The following DGCR8 variants were observed in gnomAD, a reference collection of about 807,000 sequenced individuals.
The protein encoded by DGCR8 is DGCR8 microprocessor complex subunit, also known as microprocessor complex subunit DGCR8.
DGCR8 carries 14 observed loss-of-function variants against 78.5 expected under a neutral mutation model. The ratio of observed to expected loss-of-function variants is 0.18; its 90% CI spans 0.12 to 0.28. The LOEUF (loss-of-function observed/expected upper bound fraction) is 0.28, where lower values mean the gene tolerates loss of function less well. Ranked by LOEUF, DGCR8 falls within the 10% of genes least tolerant of loss-of-function variation. The pLI is 1.00. For missense variants in DGCR8, 702 were observed against 1,022.5 expected (o/e 0.69, Z 4.28); for synonymous variants, 399 against 402.4 (o/e 0.99, Z 0.10).
At chr22:20,083,442 G>A (rs186138858) in intron 1 of DGCR8, among the ~76,000 whole-genome samples, 203 of 151,758 alleles carry the variant, frequency 1.3e-3, no homozygotes, top group Non-Finnish European at 2.3e-3. Context: ...CCACCACTGA[G>A]GTCTGGGGCT....
At chr22:20,095,476 G>A (rs933321586) in intron 9 of DGCR8, among the ~76,000 whole-genome samples, 6 of 152,162 alleles carry the variant, frequency 3.9e-5, no homozygotes, top group Admixed American at 6.5e-5. Flanking sequence ...TCACGTGGTC[G>A]AAAATTCACG....
Position 20,090,013 on chromosome 22 carries a change from A to G in DGCR8, c.1061A>G (p.His354Arg). Residue 354 changes from histidine to arginine, a missense_variant, in exon 5 of 14, where the codon CAT becomes CGT. By Grantham distance (29) the His-to-Arg change is conservative. Around this residue, in one of 4 missense-constraint regions of DGCR8, gnomAD observed 119 missense variants for 126.1 expected, o/e 0.94. Coordinates refer to ENST00000351989, the MANE Select transcript of DGCR8 (RefSeq NM_022720.7). ...CCTCTGAGTAGCATCCCTTGTCTGC[A>G]TTATAAGAAAATGAAGGACAACGAG... ...DPPLSSIPCL[H>R]YKKMKDNEER... 1 of 1,613,990 alleles carries G rather than the reference A, an allele frequency of 6.2e-7. No individual in the cohort carries two copies. The highest frequency in any genetic ancestry group is 2.2e-5 in the East Asian group (1 of 44,882).
At chr22:20,109,992 C>T in intron 13 of DGCR8, 33 bp from the exon 14 acceptor site, 1 of 1,609,266 alleles carries the variant, frequency 6.2e-7, no homozygotes, top group Non-Finnish European at 8.5e-7. Context: ...AAGCCCACCT[C>T]ACTGGTACCC....
At chr22:20,109,749 C>T (rs1426911021) in intron 13 of DGCR8, among the ~76,000 whole-genome samples, 1 of 152,226 alleles carries the variant, frequency 6.6e-6, no homozygotes, top group Non-Finnish European at 1.5e-5. Flanking sequence ...GTCCCTGTAA[C>T]TGCACCCAAA....
At position 20,106,260 on chromosome 22, in the gene DGCR8, C is replaced by T. The variant is rs748976853; in HGVS notation, c.1872C>T (p.Leu624=). 5.6e-6 allele frequency: 9 copies of T among 1,613,556 alleles called. No individual in the cohort carries two copies. Among genetic ancestry groups the T allele is most frequent in the African/African-American group, 2.7e-5 (2 of 74,938 alleles). ...KAGLLSPYQI[L]HECLKRNHGM... is the part of the protein sequence containing the mutation. ...GGCTGTTGTCTCCATATCAGATCCTCCACGAGTGCCTTAAAAGGTAGGGTA... is the reference window on the plus strand; with the variant it reads ...GGCTGTTGTCTCCATATCAGATCCTTCACGAGTGCCTTAAAAGGTAGGGTA... The change falls in exon 10 of 14, where the codon CTC becomes CTT. Residue 624 remains leucine, a synonymous_variant. Coordinates refer to ENST00000351989, the MANE Select transcript of DGCR8 (RefSeq NM_022720.7).
chr22:20,106,302 C>G (rs1174962047), intron 10 of DGCR8, 25 bp downstream of exon 10: 2 of 1,570,774 alleles, frequency 1.3e-6, no homozygotes, highest in Non-Finnish European at 8.8e-7. Flanking sequence ...TGCCTCCCCC[C>G]ATGAGTCAGG....
At chr22:20,092,046 C>G (rs1310558365) in intron 7 of DGCR8, 76 bp downstream of exon 7, 5 of 1,143,544 alleles carry the variant, frequency 4.4e-6, no homozygotes. Context: ...GAGGCAGGCG[C>G]TGACCGCTAG....
chr22:20,104,791 T>C (rs2049750214), intron 9 of DGCR8, among the ~76,000 whole-genome samples: 1 of 152,250 alleles, frequency 6.6e-6, no homozygotes, highest in African/African-American at 2.4e-5. Flanking sequence ...TCAGGGCTAG[T>C]GCCTTCCTCT....
Position 20,110,965 on chromosome 22 carries a change from A to G in DGCR8, c.*857A>G, listed in dbSNP as rs2049834210. The G allele has an allele frequency of 5.1e-6, 2 of 392,854 alleles. No homozygotes were observed. Among genetic ancestry groups the G allele is most frequent in the Non-Finnish European group, 9.0e-6 (2 of 223,040 alleles). 24.3% of individuals were successfully genotyped at this position (392,854 alleles called of 1,614,324 possible). On this transcript the variant is annotated 3_prime_UTR_variant, in exon 14 of 14. Coordinates refer to ENST00000351989, the MANE Select transcript of DGCR8 (RefSeq NM_022720.7). ...CATTGATTTTTAAAGCTTTTGTGATATTTTAGCATTTTGAAAGACTTTCAC... is the reference window on the plus strand; with the variant it reads ...CATTGATTTTTAAAGCTTTTGTGATGTTTTAGCATTTTGAAAGACTTTCAC...
At chr22:20,109,807 T>C (rs1320935727) in intron 13 of DGCR8, among the ~76,000 whole-genome samples, 3 of 152,226 alleles carry the variant, frequency 2.0e-5, no homozygotes, top group African/African-American at 7.2e-5. Flanking sequence ...AGGCTGCACA[T>C]GTTGTACTCT....
chr22:20,100,361 G>A, intron 9 of DGCR8: 1 of 985,366 alleles, frequency 1.0e-6, no homozygotes, highest in South Asian at 4.7e-5. Context: ...CACTGCACCT[G>A]GCCACATTTG....
chr22:20,098,568 A>G (rs1005112500), intron 9 of DGCR8, among the ~76,000 whole-genome samples: 1 of 152,140 alleles, frequency 6.6e-6, no homozygotes, highest in Non-Finnish European at 1.5e-5. Context: ...CTTGCTCTCT[A>G]TTTGTGACTG....
Position 20,089,825 on chromosome 22 carries a change from C to G in DGCR8, c.1023+14C>G. 6.2e-7 allele frequency: 1 copy of G among 1,613,680 alleles called. No homozygotes were observed. Among genetic ancestry groups the G allele is most frequent in the Non-Finnish European group, 8.5e-7 (1 of 1,179,864 alleles). On this transcript the variant is annotated intron_variant, in intron 4 of 13. Coordinates refer to ENST00000351989, the MANE Select transcript of DGCR8 (RefSeq NM_022720.7). The surrounding 1 kb of genome is among the most constrained non-coding windows in gnomAD (Gnocchi z 4.9). ...GGAAGCATACGGGTAGGGGAGGCAT[C>G]AGTCGTGACTTTAGGCTTGTAAGTT...
chr22:20,092,963 T>A, intron 8 of DGCR8, 56 bp downstream of exon 8: 1 of 1,468,558 alleles, frequency 6.8e-7, no homozygotes, highest in Non-Finnish European at 9.5e-7. Context: ...TCTGCCTCGC[T>A]GCTTGGTTAG....
At position 20,111,301 on chromosome 22, in the gene DGCR8, A is replaced by G. The variant is rs1158478012; in HGVS notation, c.*1193A>G. ...GTGCTTGTGGTGCGCCATCTGAAGC[A>G]AGAGTCCAGCGTTCTGCCGTGTCTG... On this transcript the variant is annotated 3_prime_UTR_variant, in exon 14 of 14. Transcript: ENST00000351989. The G allele has an allele frequency of 7.5e-6, 3 of 398,144 alleles. No homozygotes were observed. The highest frequency in any genetic ancestry group is 1.3e-5 in the Non-Finnish European group (3 of 226,140). The allele number at this position is 398,144 out of a possible 1,614,324, so 24.7% of individuals were successfully genotyped here. A position where few individuals can be genotyped will look rare whatever the true frequency, so the allele number is the denominator to read the frequency against.
chr22:20,088,365 C>T (rs937645862), intron 3 of DGCR8, among the ~76,000 whole-genome samples: 10 of 152,268 alleles, frequency 6.6e-5, no homozygotes, highest in African/African-American at 2.2e-4. Context: ...AACCCACATT[C>T]GTCCTGCACA....
In DGCR8 at chr22:20,110,278, G is replaced by C; in HGVS notation, c.*170G>C. ...GCTTTAGTGTACAGGGACAGCCATG[G>C]CCACACAGCACACATGTGGAGCAGC... On this transcript the variant is annotated 3_prime_UTR_variant, in exon 14 of 14. Transcript: ENST00000351989. The C allele has an allele frequency of 1.6e-6, 1 of 630,574 alleles. No homozygotes were observed. The allele number at this position is 630,574 out of a possible 1,614,324, so 39.1% of individuals were successfully genotyped here. A position where few individuals can be genotyped will look rare whatever the true frequency, so the allele number is the denominator to read the frequency against.
rs549710130 is a variant in DGCR8, at chr22:20,101,588, A to T, written c.1789-4589A>T. On this transcript the variant is annotated intron_variant, in intron 9 of 13. Coordinates refer to ENST00000351989, the MANE Select transcript of DGCR8 (RefSeq NM_022720.7). ...GCGAGAATATGTCTCAAAAAAAAAAAAATGTATATATGTCATCTGTGATGT... is the reference window on the plus strand; with the variant it reads ...GCGAGAATATGTCTCAAAAAAAAAATAATGTATATATGTCATCTGTGATGT... 1.2e-4 allele frequency: 120 copies of T among 985,184 alleles called. No individual in the cohort carries two copies. The African/African-American group carries it at 2.1e-3, about 17-fold the overall frequency. 61.0% of individuals were successfully genotyped at this position (985,184 alleles called of 1,614,324 possible).
chr22:20,094,865 G>A (rs184962561), intron 9 of DGCR8, 70 bp downstream of exon 9: 10 of 1,392,580 alleles, frequency 7.2e-6, no homozygotes, highest in Admixed American at 5.0e-5. Context: ...GTTAGTGTGA[G>A]CTGGGGGTGT....
Sources: allele counts gnomAD v4.1 joint callset (sites outside exome capture counted in the v4.1 genomes callset), GRCh38; gene constraint gnomAD v4.1.1; regional missense constraint gnomAD v4.1.1; non-coding constraint Gnocchi (gnomAD v3.1); transcripts MANE v1.5; gene names NCBI Gene and HGNC (gene_info 2026-07-23, HGNC 2026-07-21).